ASTN2: variants seen among roughly 807,000 people sequenced by gnomAD.
ASTN2 encodes astrotactin 2.
ASTN2 carries 54 observed loss-of-function variants against 139.8 expected under a neutral mutation model. The ratio of observed to expected loss-of-function variants is 0.39; its 90% CI spans 0.31 to 0.48. The LOEUF is 0.48. Ranked by LOEUF, ASTN2 falls within the 20% of genes least tolerant of loss-of-function variation. The pLI is 0.95. For missense variants in ASTN2, 1,565 were observed against 1,725.1 expected, an observed-to-expected ratio of 0.91 and a Z score of 1.64; for synonymous variants, 756 against 719.5, an observed-to-expected ratio of 1.05 and a Z score of -0.81.
At chr9:116,664,447 A>G (rs1858745308) in intron 16 of ASTN2, among the ~76,000 whole-genome samples, 1 of 148,632 alleles carries the variant, frequency 6.7e-6, no homozygotes, top group Non-Finnish European at 1.5e-5. Flanking sequence ...GTATATGTAT[A>G]TATGTATATA....
chr9:117,065,453 T>C (rs757632263), intron 5 of ASTN2, among the ~76,000 whole-genome samples: 7 of 152,170 alleles, frequency 4.6e-5, no homozygotes, highest in Non-Finnish European at 1.0e-4. Context: ...ACCCATGAGC[T>C]GGATTTGCAC....
chr9:117,329,358 T>C (rs1828628794), intron 1 of ASTN2, among the ~76,000 whole-genome samples: 1 of 151,752 alleles, frequency 6.6e-6, no homozygotes, highest in Admixed American at 6.6e-5. Context: ...GCCAGTGATA[T>C]GTGAACAGAA....
At chr9:117,346,408 T>C (rs1186409461) in intron 1 of ASTN2, among the ~76,000 whole-genome samples, 1 of 152,172 alleles carries the variant, frequency 6.6e-6, no homozygotes, top group Non-Finnish European at 1.5e-5. Context: ...TTCAGATCCA[T>C]ATACTCTACT....
intron 17 of ASTN2, among the ~76,000 whole-genome samples, chr9:116,621,242 A>G (rs891008721): frequency 4.6e-5 from 7 of 152,242 alleles, no homozygotes; most frequent in African/African-American, 1.4e-4. Flanking sequence ...TGAAAGTGGC[A>G]TAGATGATAC....
intron 13 of ASTN2, among the ~76,000 whole-genome samples, chr9:116,770,115 A>AAC (rs1829918039): frequency 6.6e-6 from 1 of 151,670 alleles, no homozygotes; most frequent in African/African-American, 2.4e-5. Flanking sequence ...AAAAAAAAAA[A>AAC]AAAACTAAAA....
intron 20 of ASTN2, among the ~76,000 whole-genome samples, chr9:116,446,285 A>AGAGAGAGAGAGAGAGG (rs1847995196): frequency 1.3e-5 from 2 of 150,028 alleles, no homozygotes; most frequent in Non-Finnish European, 1.5e-5. Flanking sequence ...AGAGAGAGAG[A>AGAGAGAGAGAGAGAGG]GAGAGAGAGA....
intron 19 of ASTN2, among the ~76,000 whole-genome samples, chr9:116,506,092 A>T (rs971039274): frequency 7.2e-5 from 11 of 152,200 alleles, no homozygotes; most frequent in African/African-American, 2.4e-4. Flanking sequence ...TGTACCGGGA[A>T]CATAAGCTCC....
chr9:117,060,943 C>T (rs1311520446), intron 5 of ASTN2, among the ~76,000 whole-genome samples: 2 of 151,838 alleles, frequency 1.3e-5, no homozygotes, highest in Non-Finnish European at 2.9e-5. Context: ...ATAAAGTAGA[C>T]ACGATAGAAT....
intron 5 of ASTN2, among the ~76,000 whole-genome samples, chr9:117,050,557 C>G (rs1011818107): frequency 6.6e-6 from 1 of 152,068 alleles, no homozygotes; most frequent in African/African-American, 2.4e-5. Flanking sequence ...CAAAGCTGTC[C>G]TTACTTGACA....
At chr9:116,906,021 T>TTCCTGTTC (rs551189270) in intron 10 of ASTN2, among the ~76,000 whole-genome samples, 135 of 152,188 alleles carry the variant, frequency 8.9e-4, no homozygotes, top group African/African-American at 3.1e-3. Flanking sequence ...AAGCAGCAGG[T>TTCCTGTTC]TCCTGTTCTC....
intron 19 of ASTN2, among the ~76,000 whole-genome samples, chr9:116,524,347 T>C (rs1851003158): frequency 6.6e-6 from 1 of 152,046 alleles, no homozygotes; most frequent in African/African-American, 2.4e-5. Context: ...CACAGTACTT[T>C]ACTATTTCAG....
rs145761269 is a variant in ASTN2 at position 117,299,813 on chromosome 9, G to A, written c.443-8300C>T. The stretch of plus-strand genomic sequence containing the variant: ...TGATGGGTGAATGGGTGAATGGATG[G>A]ACCACAGTCATTCTGACTTAATTAA... On this transcript the variant is annotated intron_variant, in intron 1 of 22. Coordinates refer to ENST00000313400, the MANE Select transcript of ASTN2 (RefSeq NM_001365068.1). Among the ~76,000 whole-genome samples, 642 of 152,250 alleles carry A rather than the reference G, an allele frequency of 4.2e-3. 4 individuals carry two copies. Among genetic ancestry groups the A allele is most frequent in the African/African-American group, 0.015 (608 of 41,538 alleles).
At chr9:117,330,459 C>T (rs964148510) in intron 1 of ASTN2, among the ~76,000 whole-genome samples, 1 of 152,210 alleles carries the variant, frequency 6.6e-6, no homozygotes, top group East Asian at 1.9e-4. Flanking sequence ...ATGCAAAGAG[C>T]AGAAGAGAAT....
chr9:116,960,118 A>G (rs1835834675), intron 10 of ASTN2, among the ~76,000 whole-genome samples: 1 of 151,938 alleles, frequency 6.6e-6, no homozygotes, highest in Non-Finnish European at 1.5e-5. Flanking sequence ...CTCACTTTGG[A>G]GGAGAGGAGG....
intron 19 of ASTN2, among the ~76,000 whole-genome samples, chr9:116,487,987 A>G (rs981843820): frequency 2.0e-5 from 3 of 152,146 alleles, no homozygotes; most frequent in Admixed American, 2.0e-4. Flanking sequence ...TGGGTACTGG[A>G]TTCATGGAGT....
intron 19 of ASTN2, among the ~76,000 whole-genome samples, chr9:116,591,697 C>T (rs1376803849): frequency 6.6e-6 from 1 of 152,140 alleles, no homozygotes; most frequent in African/African-American, 2.4e-5. Flanking sequence ...AAAGTAATCT[C>T]TTTATGGCAT....
At chr9:117,391,359 T>G (rs1251449593) in intron 1 of ASTN2, among the ~76,000 whole-genome samples, 2 of 152,186 alleles carry the variant, frequency 1.3e-5, no homozygotes, top group East Asian at 1.9e-4. Context: ...CAGTTCCACA[T>G]GGCTGGTGAG....
At chr9:116,481,940 T>C (rs1849181990) in intron 20 of ASTN2, among the ~76,000 whole-genome samples, 1 of 152,152 alleles carries the variant, frequency 6.6e-6, no homozygotes, top group African/African-American at 2.4e-5. Flanking sequence ...GGTATGAATC[T>C]GAGCTCTACT....
intron 1 of ASTN2, among the ~76,000 whole-genome samples, chr9:117,319,270 C>G (rs1828243787): frequency 6.6e-6 from 1 of 152,078 alleles, no homozygotes; most frequent in African/African-American, 2.4e-5. Context: ...ATTCTTCCTC[C>G]CAGCAGCACA....
Sources: gnomAD v4.1 joint callset for allele counts (sites outside exome capture counted in the v4.1 genomes callset) on GRCh38, gnomAD v4.1.1 for gene constraint, MANE v1.5 for transcripts, NCBI Gene and HGNC (gene_info 2026-07-23, HGNC 2026-07-21) for gene names.